RASSF9: variants seen among roughly 807,000 people sequenced by gnomAD.
RASSF9 encodes ras association domain-containing protein 9.
In RASSF9, 18 loss-of-function variants were observed where a neutral mutation model predicts 21.4. The observed-to-expected ratio is 0.84, with a 90% CI of 0.58 to 1.25. The LOEUF (loss-of-function observed/expected upper bound fraction) is 1.25. Ranked by LOEUF, RASSF9 falls within the 50% of genes most tolerant of loss-of-function variation. The pLI is 0.00. For synonymous variants in RASSF9, 183 were observed against 179.1 expected, an observed-to-expected ratio of 1.02 and a Z score of -0.18; for missense variants, 480 against 503.2, an observed-to-expected ratio of 0.95 and a Z score of 0.44.
rs574712572 is a variant in RASSF9 at position 85,820,709 on chromosome 12, A to T, written c.48-14747T>A. 3.3e-3 allele frequency among the ~76,000 whole-genome samples: 507 copies of T among 152,336 alleles called. 3 individuals are homozygous for T. The highest frequency in any genetic ancestry group is 0.012 in the African/African-American group (485 of 41,588). On this transcript the variant is annotated intron_variant, in intron 1 of 1. Transcript: ENST00000361228. ...GCTGATGGGATCTCTTACATAAAAC[A>T]TTAAAAAATTTTTTTCAGGAATACG...
At position 85,805,739 on chromosome 12, in the gene RASSF9, G is replaced by A. The variant is rs1879815129; in HGVS notation, c.271C>T (p.Pro91Ser). ...EKWRGSERVL[P>S]PLTRILKLWK... ...AGCTTCAGGATTCTAGTTAGTGGAG[G>A]AAGAACCCTTTCGGAGCCTCTCCAC... Residue 91 changes from proline (P) to serine (S), a missense_variant, in exon 2 of 2, where the codon CCT (proline) becomes TCT (serine). Pro to Ser is a moderately conservative substitution (Grantham distance 74). Coordinates refer to ENST00000361228, the MANE Select transcript of RASSF9 (RefSeq NM_005447.4). 1 of 1,613,854 alleles carries A rather than the reference G, an allele frequency of 6.2e-7. No individual in the cohort carries two copies.
At chr12:85,827,152 C>G (rs1199622446) in intron 1 of RASSF9, among the ~76,000 whole-genome samples, 1 of 152,190 alleles carries the variant, frequency 6.6e-6, no homozygotes, top group Admixed American at 6.5e-5. Context: ...TAACTGGCAT[C>G]TGAAACTTAG....
At chr12:85,825,000 A>G (rs777823652) in intron 1 of RASSF9, among the ~76,000 whole-genome samples, 4 of 151,654 alleles carry the variant, frequency 2.6e-5, no homozygotes, top group Admixed American at 1.3e-4. Context: ...ATGTGTGCTC[A>G]TTTATTTATT....
chr12:85,802,295 G>A lies in RASSF9; in HGVS notation c.*2407C>T, dbSNP rs1159507128. 1.3e-5 allele frequency: 2 copies of A among 152,082 alleles called. No homozygotes were observed. Among genetic ancestry groups the A allele is most frequent in the Non-Finnish European group, 2.9e-5 (2 of 68,010 alleles). The allele number at this position is 152,082 out of a possible 1,614,324, so 9.4% of individuals were successfully genotyped here. ...CAAATAGTTCAGTATCCAGACATGAGGGCATTGTATTTCAGTACTTCTATT... is the reference window on the plus strand; with the variant it reads ...CAAATAGTTCAGTATCCAGACATGAAGGCATTGTATTTCAGTACTTCTATT... On this transcript the variant is annotated 3_prime_UTR_variant, in exon 2 of 2. Transcript: ENST00000361228.
intron 1 of RASSF9, among the ~76,000 whole-genome samples, chr12:85,815,703 C>T (rs1880048929): frequency 7.5e-6 from 1 of 132,854 alleles, no homozygotes; most frequent in Admixed American, 7.2e-5. Context: ...TGATGTCGAC[C>T]TTTAATTCAT....
intron 1 of RASSF9, among the ~76,000 whole-genome samples, chr12:85,826,202 C>T (rs1880329167): frequency 1.3e-5 from 2 of 152,118 alleles, no homozygotes. Context: ...CCTCACCAAG[C>T]CTATCTCTGC....
chr12:85,836,085 C>A, intron 1 of RASSF9, 70 bp downstream of exon 1: 1 of 1,548,172 alleles, frequency 6.5e-7, no homozygotes, highest in Non-Finnish European at 8.7e-7. Flanking sequence ...CAGGTAGGGT[C>A]CAGAGTACAC....
intron 1 of RASSF9, among the ~76,000 whole-genome samples, chr12:85,834,096 T>G (rs75334993): frequency 0.029 from 4,396 of 152,128 alleles, 234 homozygotes; most frequent in African/African-American, 0.1. Flanking sequence ...CAAATATTAA[T>G]TCTATTTCAA....
intron 1 of RASSF9, among the ~76,000 whole-genome samples, chr12:85,820,460 G>T (rs1379935894): frequency 6.6e-6 from 1 of 152,100 alleles, no homozygotes; most frequent in Non-Finnish European, 1.5e-5. Flanking sequence ...AAAGGAAAAT[G>T]ATTTCAGTAT....
At chr12:85,822,842 A>G (rs1387953047) in intron 1 of RASSF9, among the ~76,000 whole-genome samples, 1 of 152,084 alleles carries the variant, frequency 6.6e-6, no homozygotes, top group African/African-American at 2.4e-5. Context: ...TCACACACCA[A>G]ATAGCAATCC....
chr12:85,833,415 C>T (rs1023261787), intron 1 of RASSF9, among the ~76,000 whole-genome samples: 1 of 151,870 alleles, frequency 6.6e-6, no homozygotes, highest in Non-Finnish European at 1.5e-5. Context: ...CTTCTCCAAG[C>T]TTTATGGTTT....
chr12:85,823,056 C>T (rs1880250694), intron 1 of RASSF9, among the ~76,000 whole-genome samples: 1 of 152,024 alleles, frequency 6.6e-6, no homozygotes. Flanking sequence ...AAAATTTAGC[C>T]GGTCTTGTTA....
intron 1 of RASSF9, among the ~76,000 whole-genome samples, chr12:85,822,814 C>A (rs1356351818): frequency 6.6e-6 from 1 of 152,088 alleles, no homozygotes; most frequent in Non-Finnish European, 1.5e-5. Context: ...CCACATATTC[C>A]CCTCCACTAT....
chr12:85,817,779 T>C (rs1327325816), intron 1 of RASSF9, among the ~76,000 whole-genome samples: 1 of 152,048 alleles, frequency 6.6e-6, no homozygotes, highest in Non-Finnish European at 1.5e-5. Flanking sequence ...AAAAAGTACA[T>C]GTTTAGAGAA....
intron 1 of RASSF9, among the ~76,000 whole-genome samples, chr12:85,821,662 T>C (rs1880213871): frequency 7.5e-6 from 1 of 133,068 alleles, no homozygotes; most frequent in Non-Finnish European, 1.8e-5. Flanking sequence ...TATATACGAG[T>C]GTGTGTGTGT....
intron 1 of RASSF9, among the ~76,000 whole-genome samples, chr12:85,812,812 C>G (rs894261789): frequency 2.6e-5 from 4 of 151,628 alleles, no homozygotes; most frequent in Admixed American, 2.6e-4. Context: ...ATTGAACTTA[C>G]TATAGTAGTT....
At chr12:85,833,232 A>T (rs1261287623) in intron 1 of RASSF9, among the ~76,000 whole-genome samples, 1 of 151,924 alleles carries the variant, frequency 6.6e-6, no homozygotes, top group Non-Finnish European at 1.5e-5. Context: ...ATATAATACC[A>T]GCTGATGTCA....
At chr12:85,807,556 T>C (rs1440358334) in intron 1 of RASSF9, among the ~76,000 whole-genome samples, 1 of 152,078 alleles carries the variant, frequency 6.6e-6, no homozygotes, top group African/African-American at 2.4e-5. Flanking sequence ...GATGATTTCC[T>C]GGACTAGAGT....
In RASSF9 at chr12:85,804,654, T is replaced by G. The variant is rs1879774809; in HGVS notation, c.*48A>C. On this transcript the variant is annotated 3_prime_UTR_variant, in exon 2 of 2. Transcript: ENST00000361228. ...TTTAAAATGAGGTTTCCTATTAAAT[T>G]AAACAAACATTAAAACATGAAAGCA... is the stretch of plus-strand genomic sequence containing the variant. The G allele has an allele frequency of 1.4e-6, 2 of 1,463,128 alleles. No homozygotes were observed. The allele number at this position is 1,463,128 out of a possible 1,614,324, so 90.6% of individuals were successfully genotyped here.
Sources: allele counts gnomAD v4.1 joint callset (sites outside exome capture counted in the v4.1 genomes callset), GRCh38; gene constraint gnomAD v4.1.1; transcripts MANE v1.5; gene names NCBI Gene and HGNC (gene_info 2026-07-23, HGNC 2026-07-21).